TMEM132C: variants seen among roughly 807,000 people sequenced by gnomAD.
TMEM132C encodes transmembrane protein 132C.
Under a neutral mutation model 61.4 loss-of-function variants are expected in TMEM132C, and 29 were observed. The observed-to-expected ratio is 0.47, with a 90% CI of 0.35 to 0.64. TMEM132C has a LOEUF of 0.64. Among genes scored for constraint, TMEM132C ranks in the 30% least tolerant of loss-of-function variants. The pLI is 0.00. For missense variants in TMEM132C, 1,408 were observed against 1,476.9 expected (o/e 0.95, Z 0.76); for synonymous variants, 656 against 633.1 (o/e 1.04, Z -0.54).
At chr12:128,503,365 T>C (rs536570882) in intron 2 of TMEM132C, among the ~76,000 whole-genome samples, 9 of 151,560 alleles carry the variant, frequency 5.9e-5, no homozygotes, top group Non-Finnish European at 1.0e-4. Flanking sequence ...TTTCTGGTCT[T>C]GTTGGAAATG....
intron 3 of TMEM132C, among the ~76,000 whole-genome samples, chr12:128,583,898 G>T (rs932074596): frequency 6.6e-6 from 1 of 152,216 alleles, no homozygotes; most frequent in African/African-American, 2.4e-5. Flanking sequence ...CTTCCCCAGG[G>T]TGTCTCTGCT....
chr12:128,672,433 G>A (rs1195106938), intron 5 of TMEM132C, among the ~76,000 whole-genome samples: 2 of 152,154 alleles, frequency 1.3e-5, no homozygotes, highest in African/African-American at 4.8e-5. Context: ...ATTTATCACA[G>A]CTGTATACAT....
intron 2 of TMEM132C, among the ~76,000 whole-genome samples, chr12:128,538,760 A>G (rs1056845312): frequency 2.6e-5 from 4 of 152,154 alleles, no homozygotes; most frequent in African/African-American, 9.7e-5. Context: ...ATTTCCCACT[A>G]TGGAGAATTA....
intron 2 of TMEM132C, among the ~76,000 whole-genome samples, chr12:128,491,340 A>G (rs79379100): frequency 0.037 from 5,588 of 152,274 alleles, 358 homozygotes; most frequent in African/African-American, 0.12. Context: ...TTGGGCATCT[A>G]AATCCCATTG....
chr12:128,465,255 A>G (rs185602696), intron 2 of TMEM132C, among the ~76,000 whole-genome samples: 3 of 148,326 alleles, frequency 2.0e-5, no homozygotes, highest in Admixed American at 6.8e-5. Flanking sequence ...TTGGAGTGCC[A>G]TGGTGCCATC....
chr12:128,329,043 C>G (rs1248553836), intron 1 of TMEM132C, among the ~76,000 whole-genome samples: 1 of 152,042 alleles, frequency 6.6e-6, no homozygotes, highest in East Asian at 1.9e-4. Flanking sequence ...AGATTTCTAC[C>G]CTAGGCCCCA....
chr12:128,567,423 C>T lies in TMEM132C; in HGVS notation c.1121+23320C>T, dbSNP rs555298504. ...AAGAGAGATCATAAGTGTCCACATA[C>T]CCATAGACACACACACACACACACA... On this transcript the variant is annotated intron_variant, in intron 3 of 8. Transcript: ENST00000435159. Among the ~76,000 whole-genome samples the T allele has an allele frequency of 9.3e-4, 131 of 141,196 alleles. 1 individual carries two copies. Among genetic ancestry groups the T allele is most frequent in the Middle Eastern group, 7.1e-3 (2 of 282 alleles). 92.6% of individuals were successfully genotyped at this position (141,196 alleles called of 152,430 possible). A position where few individuals can be genotyped will look rare whatever the true frequency, so the allele number is the denominator to read the frequency against.
chr12:128,682,683 C>T (rs749941988), intron 5 of TMEM132C, among the ~76,000 whole-genome samples: 2 of 152,224 alleles, frequency 1.3e-5, no homozygotes, highest in African/African-American at 2.4e-5. Context: ...GAGCATCGCC[C>T]GCCCCAGGTG....
chr12:128,496,965 ATCTACC>A lies in TMEM132C; in HGVS notation c.975-46990_975-46985del, dbSNP rs1660808703. Among the ~76,000 whole-genome samples, 6 of 152,222 alleles carry A rather than the reference ATCTACC, an allele frequency of 3.9e-5. No individual in the cohort carries two copies. In the South Asian group the frequency reaches 1.2e-3, roughly 32 times the overall value. Reference sequence around the variant, plus strand: ...GTTTTTTCCCGATCTTTGTGGTTTTATCTACCTTTGGTCTCTGATGATGGTGACATA... The same window carrying A: ...GTTTTTTCCCGATCTTTGTGGTTTTATTTGGTCTCTGATGATGGTGACATA... On this transcript the variant is annotated intron_variant, in intron 2 of 8. Coordinates refer to ENST00000435159, the MANE Select transcript of TMEM132C (RefSeq NM_001136103.3).
At position 128,546,884 on chromosome 12, in the gene TMEM132C, G is replaced by T. The variant is rs1020544614; in HGVS notation, c.1121+2781G>T. On this transcript the variant is annotated intron_variant, in intron 3 of 8. Transcript: ENST00000435159. ...CATATTCACAGGTTCTGAGGATTAG[G>T]ATGTAGACAAATTGGCCTGCCTCTG... Among the ~76,000 whole-genome samples, 13 of 152,270 alleles carry T rather than the reference G, an allele frequency of 8.5e-5. No individual in the cohort carries two copies. In the East Asian group the frequency reaches 1.9e-3, roughly 23 times the overall value.
At chr12:128,318,729 T>G (rs1418908057) in intron 1 of TMEM132C, among the ~76,000 whole-genome samples, 1 of 152,228 alleles carries the variant, frequency 6.6e-6, no homozygotes, top group African/African-American at 2.4e-5. Flanking sequence ...AATTGGGGTT[T>G]TATCAATAGA....
intron 7 of TMEM132C, among the ~76,000 whole-genome samples, chr12:128,696,447 C>G (rs1480607494): frequency 1.3e-5 from 2 of 152,198 alleles, no homozygotes; most frequent in Non-Finnish European, 2.9e-5. Flanking sequence ...CCATGGTCTT[C>G]TCTATGTACC....
chr12:128,470,813 A>G (rs1312590169), intron 2 of TMEM132C, among the ~76,000 whole-genome samples: 1 of 152,150 alleles, frequency 6.6e-6, no homozygotes, highest in East Asian at 1.9e-4. Context: ...TCTTGCAGCT[A>G]CTCAACTCTG....
intron 1 of TMEM132C, among the ~76,000 whole-genome samples, chr12:128,294,541 A>G (rs1871342798): frequency 6.6e-6 from 1 of 152,194 alleles, no homozygotes. Flanking sequence ...AGTCTGTTCT[A>G]GTTGCTCTAA....
At chr12:128,338,086 C>T (rs1872838014) in intron 1 of TMEM132C, among the ~76,000 whole-genome samples, 1 of 144,648 alleles carries the variant, frequency 6.9e-6, no homozygotes, top group Non-Finnish European at 1.5e-5. Flanking sequence ...TTACATCTGG[C>T]TTTTTTTTTT....
chr12:128,686,426 A>G (rs1444908833), intron 5 of TMEM132C, among the ~76,000 whole-genome samples: 2 of 152,182 alleles, frequency 1.3e-5, no homozygotes, highest in African/African-American at 4.8e-5. Flanking sequence ...CCCATCTCTT[A>G]AAACAAATGC....
chr12:128,314,496 G>A lies in TMEM132C; in HGVS notation c.85+47009G>A, dbSNP rs934865056. ...TTCAGTGGTATCATGAATGGACAGT[G>A]TCCCTCCAAATTCACATCCACCCAG... is the stretch of plus-strand genomic sequence containing the variant. On this transcript the variant is annotated intron_variant, in intron 1 of 8. Transcript: ENST00000435159. Among the ~76,000 whole-genome samples the A allele has an allele frequency of 1.3e-5, 2 of 152,198 alleles. 1 individual carries two copies. Among genetic ancestry groups the A allele is most frequent in the African/African-American group, 4.8e-5 (2 of 41,446 alleles).
In TMEM132C at chr12:128,326,028, C is replaced by T. The variant is rs1485944504; in HGVS notation, c.85+58541C>T. On this transcript the variant is annotated intron_variant, in intron 1 of 8. Coordinates refer to ENST00000435159, the MANE Select transcript of TMEM132C (RefSeq NM_001136103.3). This position sits in a 1 kb window ranked among gnomAD's most constrained non-coding sequence, Gnocchi z 5.6. ...GGTATTCCTGGGTCCTGACGCCATA[C>T]TCAGGACATGGCCAGTATTCACACA... Among the ~76,000 whole-genome samples, 2 of 152,046 alleles carry T rather than the reference C, an allele frequency of 1.3e-5. No homozygotes were observed. Among genetic ancestry groups the T allele is most frequent in the African/African-American group, 4.8e-5 (2 of 41,382 alleles).
Position 128,388,338 on chromosome 12 carries a change from GC to G in TMEM132C, c.86-26390del, listed in dbSNP as rs547645084. On this transcript the variant is annotated intron_variant, in intron 1 of 8. Coordinates refer to ENST00000435159, the MANE Select transcript of TMEM132C (RefSeq NM_001136103.3). ...CAGGCAGCGAATCCAGCCTGCTGTT[GC>G]CCCAAATCTTAACTTTTCTAAAGAA... 1.3e-3 allele frequency among the ~76,000 whole-genome samples: 199 copies of G among 152,354 alleles called. 1 individual carries two copies. Among genetic ancestry groups the G allele is most frequent in the African/African-American group, 4.5e-3 (188 of 41,586 alleles).
Sources: gnomAD v4.1 joint callset for allele counts (sites outside exome capture counted in the v4.1 genomes callset) on GRCh38, gnomAD v4.1.1 for gene constraint, Gnocchi (gnomAD v3.1) non-coding constraint, MANE v1.5 for transcripts, NCBI Gene and HGNC (gene_info 2026-07-23, HGNC 2026-07-21) for gene names.